OPCML: variants seen among roughly 807,000 people sequenced by gnomAD.
OPCML encodes the protein opioid-binding protein/cell adhesion molecule.
In OPCML, 13 loss-of-function variants were observed where a neutral mutation model predicts 37.8. The ratio of observed to expected loss-of-function variants is 0.34; its 90% CI spans 0.22 to 0.55. OPCML has a LOEUF of 0.55. Ranked by LOEUF, OPCML falls within the 20% of genes least tolerant of loss-of-function variation. The pLI is 0.91. For synonymous variants in OPCML, 176 were observed against 168.8 expected (o/e 1.04, Z -0.33); for missense variants, 341 against 435.6 (o/e 0.78, Z 1.93).
intron 1 of OPCML, among the ~76,000 whole-genome samples, chr11:133,204,081 A>G (rs1007527208): frequency 5.3e-5 from 8 of 150,674 alleles, no homozygotes; most frequent in African/African-American, 2.0e-4. Context: ...AAAAAAAAAA[A>G]AAAAAAATGC....
At chr11:133,426,527 G>A (rs1946006844) in intron 1 of OPCML, among the ~76,000 whole-genome samples, 1 of 152,120 alleles carries the variant, frequency 6.6e-6, no homozygotes, top group Non-Finnish European at 1.5e-5. Context: ...ACCAGTGAAG[G>A]TGCAGTTTGA....
Position 133,207,574 on chromosome 11 carries a change from C to T in OPCML, c.62-264564G>A, listed in dbSNP as rs112127797. Among the ~76,000 whole-genome samples the T allele has an allele frequency of 5.3e-3, 807 of 152,242 alleles. 5 individuals carry two copies. The highest frequency in any genetic ancestry group is 7.5e-3 in the Non-Finnish European group (512 of 68,020). Reference sequence around the variant, plus strand: ...AGCCTCACTTTTTCCATCTGTGAAACGGCGGCGGTTGGGCTAGGGTTAGCA... The same window carrying T: ...AGCCTCACTTTTTCCATCTGTGAAATGGCGGCGGTTGGGCTAGGGTTAGCA... On this transcript the variant is annotated intron_variant, in intron 1 of 7. Coordinates refer to ENST00000524381, the MANE Select transcript of OPCML (RefSeq NM_001012393.5).
rs1221213086 is a variant in OPCML, at chr11:133,205,634, G to T, written c.62-262624C>A. On this transcript the variant is annotated intron_variant, in intron 1 of 7. Transcript: ENST00000524381. This position sits in a 1 kb window ranked among gnomAD's most constrained non-coding sequence, Gnocchi z 4.8. ...CGATCATTGCTCAGTTGGTGTGTGG[G>T]GAAAAATTTCTCACTCATCTGATGT... is the stretch of plus-strand genomic sequence containing the variant. 6.6e-6 allele frequency among the ~76,000 whole-genome samples: 1 copy of T among 152,174 alleles called. No homozygotes were observed. The highest frequency in any genetic ancestry group is 1.5e-5 in the Non-Finnish European group (1 of 68,032).
chr11:133,148,714 C>G (rs1949932934), intron 1 of OPCML, among the ~76,000 whole-genome samples: 1 of 152,128 alleles, frequency 6.6e-6, no homozygotes, highest in Non-Finnish European at 1.5e-5. Context: ...GTTCTGGTGT[C>G]CCAGCTCTAC....
chr11:132,611,902 G>A (rs989552003), intron 3 of OPCML, among the ~76,000 whole-genome samples: 2 of 152,154 alleles, frequency 1.3e-5, no homozygotes, highest in East Asian at 3.9e-4. Flanking sequence ...CCTTGATGAG[G>A]TGGTCACCCT....
At position 132,915,949 on chromosome 11, in the gene OPCML, A is replaced by G. The variant is rs1790659217; in HGVS notation, c.146+26977T>C. ...AGATCTTTCATATTTAATTAGGCCA[A>G]TCTATCAATATATCAGTCTTTTCCT... is the stretch of plus-strand genomic sequence containing the variant. On this transcript the variant is annotated intron_variant, in intron 2 of 7. Coordinates refer to ENST00000524381, the MANE Select transcript of OPCML (RefSeq NM_001012393.5). 2.0e-5 allele frequency among the ~76,000 whole-genome samples: 3 copies of G among 152,134 alleles called. No homozygotes were observed. In the South Asian group the frequency reaches 6.2e-4, roughly 32 times the overall value.
chr11:133,439,946 A>G (rs933192290), intron 1 of OPCML, among the ~76,000 whole-genome samples: 6 of 152,244 alleles, frequency 3.9e-5, no homozygotes. Flanking sequence ...TAATGTAACT[A>G]GATATGATAA....
intron 3 of OPCML, among the ~76,000 whole-genome samples, chr11:132,591,358 C>G (rs1204729531): frequency 6.6e-6 from 1 of 152,150 alleles, no homozygotes; most frequent in African/African-American, 2.4e-5. Flanking sequence ...TTTCATATAC[C>G]AAGTGGTTCT....
intron 1 of OPCML, among the ~76,000 whole-genome samples, chr11:133,286,662 G>A (rs1942308786): frequency 6.6e-6 from 1 of 152,078 alleles, no homozygotes; most frequent in Non-Finnish European, 1.5e-5. Context: ...TTTACTTGCT[G>A]GTCAGTAAGA....
At chr11:132,741,362 C>A (rs1041246913) in intron 2 of OPCML, among the ~76,000 whole-genome samples, 10 of 152,130 alleles carry the variant, frequency 6.6e-5, no homozygotes, top group Admixed American at 6.5e-5. Context: ...AGGTTAAAAA[C>A]CTGAAAACAT....
chr11:133,273,108 G>A (rs1941897951), intron 1 of OPCML, among the ~76,000 whole-genome samples: 1 of 152,136 alleles, frequency 6.6e-6, no homozygotes, highest in African/African-American at 2.4e-5. Flanking sequence ...CCAGATAGCA[G>A]CCACCCACTG....
At chr11:133,218,587 G>T (rs895454204) in intron 1 of OPCML, among the ~76,000 whole-genome samples, 2 of 152,152 alleles carry the variant, frequency 1.3e-5, no homozygotes, top group Admixed American at 6.5e-5. Context: ...GGTACTGGCT[G>T]CATCCAGGGT....
At chr11:133,186,922 G>A (rs182278215) in intron 1 of OPCML, among the ~76,000 whole-genome samples, 50 of 152,216 alleles carry the variant, frequency 3.3e-4, no homozygotes, top group African/African-American at 1.0e-3. Flanking sequence ...GAGAAGCCTG[G>A]AACAGGGTGA....
chr11:133,194,273 C>A (rs1026274227), intron 1 of OPCML, among the ~76,000 whole-genome samples: 1 of 141,508 alleles, frequency 7.1e-6, no homozygotes, highest in Non-Finnish European at 1.5e-5. Flanking sequence ...GCAATAGGTG[C>A]AATCTCGGCT....
chr11:133,372,475 T>C (rs1944695917), intron 1 of OPCML, among the ~76,000 whole-genome samples: 1 of 152,192 alleles, frequency 6.6e-6, no homozygotes, highest in Non-Finnish European at 1.5e-5. Context: ...GAGAAATGCA[T>C]ATGAAAGCTC....
intron 1 of OPCML, among the ~76,000 whole-genome samples, chr11:133,340,737 A>ATGTG (rs147751485): frequency 1.4e-5 from 2 of 147,992 alleles, no homozygotes; most frequent in Non-Finnish European, 3.0e-5. Context: ...AAGAATGTGT[A>ATGTG]TGTGTGTGTG....
chr11:132,580,878 T>C (rs916406220), intron 3 of OPCML, among the ~76,000 whole-genome samples: 5 of 152,256 alleles, frequency 3.3e-5, no homozygotes, highest in South Asian at 2.1e-4. Flanking sequence ...TCCATCCTTC[T>C]TTTTATTTTG....
intron 3 of OPCML, among the ~76,000 whole-genome samples, chr11:132,646,479 GA>G (rs1941157874): frequency 6.6e-6 from 1 of 152,144 alleles, no homozygotes; most frequent in Non-Finnish European, 1.5e-5. Context: ...ATCTGCATCA[GA>G]AATACTTAGA....
chr11:133,364,114 T>C (rs915925336), intron 1 of OPCML, among the ~76,000 whole-genome samples: 9 of 152,184 alleles, frequency 5.9e-5, no homozygotes, highest in Non-Finnish European at 1.0e-4. Flanking sequence ...TTGTTATCGA[T>C]TTCCCTCAGT....
Sources: allele counts gnomAD v4.1 joint callset (sites outside exome capture counted in the v4.1 genomes callset), GRCh38; gene constraint gnomAD v4.1.1; non-coding constraint Gnocchi (gnomAD v3.1); transcripts MANE v1.5; gene names NCBI Gene and HGNC (gene_info 2026-07-23, HGNC 2026-07-21).